Variants in TBCA observed in about 807,000 individuals in gnomAD.
The protein encoded by TBCA is tubulin folding cofactor A, also known as tubulin-specific chaperone A.
A neutral mutation model predicts 15.8 loss-of-function variants in TBCA; 6 were observed. That is an observed-to-expected ratio of 0.38 (90% CI 0.21 to 0.75). The LOEUF is 0.75. Among genes scored for constraint, TBCA ranks in the 30% least tolerant of loss-of-function variants. TBCA has a pLI of 0.46. For missense variants in TBCA, 90 were observed against 131.2 expected (o/e 0.69, Z 1.53); for synonymous variants, 32 against 42.3 (o/e 0.76, Z 0.94).
chr5:77,714,569 A>ATTT (rs1397824632), intron 1 of TBCA, among the ~76,000 whole-genome samples: 12 of 119,458 alleles, frequency 1.0e-4, no homozygotes, highest in African/African-American at 3.5e-4. Flanking sequence ...TACTATTATT[A>ATTT]TTATTATTTT....
At chr5:77,708,772 T>C (rs1037954054) in intron 1 of TBCA, among the ~76,000 whole-genome samples, 8 of 152,000 alleles carry the variant, frequency 5.3e-5, no homozygotes, top group Non-Finnish European at 1.0e-4. Flanking sequence ...GGTTTCACCA[T>C]GTTAGCCAGG....
chr5:77,692,578 C>T (rs1580086020), intron 3 of TBCA: 1 of 985,438 alleles, frequency 1.0e-6, no homozygotes, highest in East Asian at 1.1e-4. Flanking sequence ...AGCCACTGCA[C>T]CTGGCGGCCA....
chr5:77,770,579 CA>C (rs11294658), intron 1 of TBCA, among the ~76,000 whole-genome samples: 114,629 of 150,340 alleles, frequency 0.76, 44,267 homozygotes, highest in African/African-American at 0.91. Flanking sequence ...TCCCCCGCTC[CA>C]AAAAAAAAAC....
chr5:77,718,255 C>T (rs1456497351), intron 1 of TBCA, among the ~76,000 whole-genome samples: 1 of 152,154 alleles, frequency 6.6e-6, no homozygotes, highest in Non-Finnish European at 1.5e-5. Flanking sequence ...ATTTCTGTAA[C>T]TTACAGGATA....
At chr5:77,702,131 C>A (rs1746032683) in intron 2 of TBCA, among the ~76,000 whole-genome samples, 1 of 152,006 alleles carries the variant, frequency 6.6e-6, no homozygotes, top group South Asian at 2.1e-4. Flanking sequence ...TCAAAAATCA[C>A]CACTAAAGAA....
chr5:77,717,475 A>C (rs1746423225), intron 1 of TBCA, among the ~76,000 whole-genome samples: 1 of 152,116 alleles, frequency 6.6e-6, no homozygotes, highest in African/African-American at 2.4e-5. Flanking sequence ...CTATATTAAA[A>C]ATTTTTCCAT....
chr5:77,766,258 A>G (rs1265912742), intron 1 of TBCA, among the ~76,000 whole-genome samples: 1 of 152,194 alleles, frequency 6.6e-6, no homozygotes, highest in African/African-American at 2.4e-5. Context: ...TTCTAGGTAA[A>G]CTACAAAAAC....
chr5:77,758,916 C>T (rs896181359), intron 1 of TBCA, among the ~76,000 whole-genome samples: 3 of 152,200 alleles, frequency 2.0e-5, no homozygotes, highest in Non-Finnish European at 4.4e-5. Flanking sequence ...TCCCTGCTGT[C>T]TGTGATCAAT....
chr5:77,708,489 T>G (rs890227315), intron 1 of TBCA, 142 bp from the exon 2 acceptor site: 1 of 543,696 alleles, frequency 1.8e-6, no homozygotes, highest in East Asian at 3.0e-5. Context: ...AGAAGAAAAA[T>G]AGTTTAGTCA....
chr5:77,776,095 T>A, intron 1 of TBCA, 110 bp downstream of exon 1: 1 of 1,380,104 alleles, frequency 7.2e-7, no homozygotes, highest in Non-Finnish European at 1.0e-6. Flanking sequence ...GGGTGCGGCC[T>A]GGAGTTCGGA....
intron 1 of TBCA, among the ~76,000 whole-genome samples, chr5:77,738,990 A>T (rs1010444088): frequency 2.6e-5 from 4 of 152,236 alleles, no homozygotes; most frequent in African/African-American, 9.6e-5. Context: ...GACTGTGATC[A>T]GCTTTGGTTT....
chr5:77,749,878 T>C (rs1218880080), intron 1 of TBCA, among the ~76,000 whole-genome samples: 2 of 152,182 alleles, frequency 1.3e-5, no homozygotes, highest in Non-Finnish European at 2.9e-5. Context: ...TTGCAGTCTT[T>C]AAAAGGAACG....
At chr5:77,724,329 C>A (rs181768530) in intron 1 of TBCA, among the ~76,000 whole-genome samples, 57 of 152,192 alleles carry the variant, frequency 3.7e-4, no homozygotes, top group African/African-American at 1.3e-3. Context: ...TTAGTAATAT[C>A]TTCCAATTGT....
chr5:77,750,247 C>CA (rs58973489), intron 1 of TBCA, among the ~76,000 whole-genome samples: 2 of 151,414 alleles, frequency 1.3e-5, no homozygotes, highest in Admixed American at 1.3e-4. Context: ...ATATCCTATT[C>CA]AAAAAATTAC....
chr5:77,756,199 G>A (rs938413184), intron 1 of TBCA, among the ~76,000 whole-genome samples: 1 of 152,176 alleles, frequency 6.6e-6, no homozygotes, highest in Non-Finnish European at 1.5e-5. Context: ...TGTCACCATG[G>A]AGTCATTTCC....
chr5:77,732,094 T>C, intron 1 of TBCA, among the ~76,000 whole-genome samples: 1 of 152,126 alleles, frequency 6.6e-6, no homozygotes, highest in East Asian at 1.9e-4. Context: ...ATTAAGGGTA[T>C]GTTTGATGTC....
intron 1 of TBCA, among the ~76,000 whole-genome samples, chr5:77,749,967 T>G (rs1265435570): frequency 1.3e-5 from 2 of 152,142 alleles, no homozygotes; most frequent in African/African-American, 4.8e-5. Context: ...CATTTGAAGA[T>G]ATGTATGTAA....
intron 1 of TBCA, among the ~76,000 whole-genome samples, chr5:77,729,387 T>C (rs1041177625): frequency 1.3e-5 from 2 of 152,144 alleles, no homozygotes; most frequent in Non-Finnish European, 2.9e-5. Context: ...CATTCTCCTG[T>C]GATAGGCAGA....
intron 1 of TBCA, among the ~76,000 whole-genome samples, chr5:77,747,723 T>G (rs565055986): frequency 5.3e-5 from 8 of 152,276 alleles, no homozygotes; most frequent in East Asian, 3.9e-4. Flanking sequence ...TTTTTCTGCT[T>G]CTTCTTATTC....
Sources: gnomAD v4.1 joint callset for allele counts (sites outside exome capture counted in the v4.1 genomes callset) on GRCh38, gnomAD v4.1.1 for gene constraint, MANE v1.5 for transcripts, NCBI Gene and HGNC (gene_info 2026-07-23, HGNC 2026-07-21) for gene names.